FOCAD: variants seen among roughly 807,000 people sequenced by gnomAD.
FOCAD encodes the protein focadhesin.
A neutral mutation model predicts 225.6 loss-of-function variants in FOCAD; 198 were observed. The observed-to-expected ratio is 0.88, with a 90% CI of 0.78 to 0.99. The LOEUF (loss-of-function observed/expected upper bound fraction) is 0.99. FOCAD is among the 50% of genes least tolerant of loss of function. The probability of loss-of-function intolerance (pLI) is 0.00; values close to 1 mark genes in which losing one functional copy is unlikely to be tolerated. For synonymous variants in FOCAD, 897 were observed against 755.0 expected, an observed-to-expected ratio of 1.19 and a Z score of -3.08; for missense variants, 2,713 against 2,123.6, an observed-to-expected ratio of 1.28 and a Z score of -5.46.
chr9:20,818,132 A>G (rs1823927405), intron 11 of FOCAD, among the ~76,000 whole-genome samples: 1 of 152,150 alleles, frequency 6.6e-6, no homozygotes, highest in Non-Finnish European at 1.5e-5. Context: ...ATCATGTCTC[A>G]TGAAATTGAG....
At chr9:20,762,197 G>C (rs1013525800) in intron 6 of FOCAD, among the ~76,000 whole-genome samples, 5 of 152,216 alleles carry the variant, frequency 3.3e-5, no homozygotes, top group African/African-American at 9.6e-5. Flanking sequence ...ATTAAAGAGA[G>C]ATGGAGAAGG....
At chr9:20,883,978 T>TG in intron 20 of FOCAD, among the ~76,000 whole-genome samples, 1 of 152,198 alleles carries the variant, frequency 6.6e-6, no homozygotes, top group South Asian at 2.1e-4. Context: ...CTGACCGTTG[T>TG]GGAAAGGGCA....
intron 39 of FOCAD, among the ~76,000 whole-genome samples, chr9:20,985,223 A>G (rs1841050589): frequency 6.6e-6 from 1 of 152,226 alleles, no homozygotes. Flanking sequence ...TCTTTTACCC[A>G]TGCATGGTTT....
intron 8 of FOCAD, among the ~76,000 whole-genome samples, chr9:20,778,116 TTGAC>T (rs1818976023): frequency 7.5e-6 from 1 of 132,874 alleles, no homozygotes; most frequent in South Asian, 2.4e-4. Flanking sequence ...AAAAAAAAGA[TTGAC>T]TGTTTAGAAG....
chr9:20,673,671 C>T (rs1017211317), intron 2 of FOCAD, among the ~76,000 whole-genome samples: 3 of 152,190 alleles, frequency 2.0e-5, no homozygotes, highest in South Asian at 2.1e-4. Context: ...GGCGTGATCT[C>T]GGCTCATTGC....
At chr9:20,992,801 A>G (rs1841779555) in intron 42 of FOCAD, among the ~76,000 whole-genome samples, 1 of 152,098 alleles carries the variant, frequency 6.6e-6, no homozygotes, top group Non-Finnish European at 1.5e-5. Context: ...CTACTAAGAA[A>G]AAAATACAAA....
chr9:20,751,871 C>G (rs1325289388), intron 5 of FOCAD, among the ~76,000 whole-genome samples: 1 of 144,326 alleles, frequency 6.9e-6, no homozygotes, highest in Non-Finnish European at 1.5e-5. Flanking sequence ...GAGATGGTAT[C>G]TCATTGTGGT....
chr9:20,829,414 T>C (rs1232064895), intron 15 of FOCAD, among the ~76,000 whole-genome samples: 1 of 135,078 alleles, frequency 7.4e-6, no homozygotes, highest in Non-Finnish European at 1.6e-5. Flanking sequence ...CTTTTTATTA[T>C]CTGTTTTTTT....
chr9:20,883,205 G>T (rs967442097), intron 20 of FOCAD, among the ~76,000 whole-genome samples: 1 of 152,136 alleles, frequency 6.6e-6, no homozygotes, highest in Non-Finnish European at 1.5e-5. Flanking sequence ...ACTCTCTTTG[G>T]AAAATATCAA....
chr9:20,716,197 C>A, intron 2 of FOCAD: 1 of 436,194 alleles, frequency 2.3e-6, no homozygotes, highest in Non-Finnish European at 5.2e-6. Context: ...GGAGTCATAT[C>A]CTGCAGGTCC....
At chr9:20,891,252 A>T (rs1248594785) in intron 21 of FOCAD, among the ~76,000 whole-genome samples, 1 of 152,188 alleles carries the variant, frequency 6.6e-6, no homozygotes, top group Non-Finnish European at 1.5e-5. Context: ...AGACACAACA[A>T]TATTGAAATT....
chr9:20,759,637 A>C (rs1490225386), intron 6 of FOCAD, among the ~76,000 whole-genome samples: 1 of 152,238 alleles, frequency 6.6e-6, no homozygotes, highest in Non-Finnish European at 1.5e-5. Context: ...ATTACCATTC[A>C]GGACATAGGC....
chr9:20,730,404 T>C (rs1211357340), intron 4 of FOCAD, among the ~76,000 whole-genome samples: 1 of 152,162 alleles, frequency 6.6e-6, no homozygotes, highest in Non-Finnish European at 1.5e-5. Flanking sequence ...TTTACTAAAT[T>C]CCAAAATAAT....
At chr9:20,893,949 A>G (rs1258767594) in intron 21 of FOCAD, among the ~76,000 whole-genome samples, 4 of 152,184 alleles carry the variant, frequency 2.6e-5, no homozygotes, top group Non-Finnish European at 5.9e-5. Context: ...ACAAATGCAT[A>G]GTGGCATGCA....
rs573453221 is a variant in FOCAD, at chr9:20,937,638, C to T, written c.3407+4535C>T. On this transcript the variant is annotated intron_variant, in intron 28 of 43. Coordinates refer to ENST00000338382, the MANE Select transcript of FOCAD (RefSeq NM_001375567.1). ...AACCATAAAAACCCTAGACGAAAAC[C>T]TAGACAATACCATTCAGGACATAGG... Among the ~76,000 whole-genome samples the T allele has an allele frequency of 1.1e-3, 167 of 152,246 alleles. 1 individual carries two copies. The highest frequency in any genetic ancestry group is 8.7e-3 in the Admixed American group (133 of 15,292).
intron 28 of FOCAD, among the ~76,000 whole-genome samples, chr9:20,942,065 G>C (rs1836713935): frequency 6.6e-6 from 1 of 152,128 alleles, no homozygotes; most frequent in Non-Finnish European, 1.5e-5. Flanking sequence ...TGAGATGAAT[G>C]AGAGGGGACC....
chr9:20,885,159 A>G lies in FOCAD; in HGVS notation c.2554A>G (p.Lys852Glu). 6.5e-7 allele frequency: 1 copy of G among 1,541,496 alleles called. No homozygotes were observed. Among genetic ancestry groups the G allele is most frequent in the Non-Finnish European group, 8.8e-7 (1 of 1,141,908 alleles). Residue 852 changes from lysine (K) to glutamate (E), a missense_variant, in exon 21 of 44, where the codon AAA (lysine) becomes GAA (glutamate). Lys to Glu is a moderately conservative substitution (Grantham distance 56). Transcript: ENST00000338382. ...DVSMYQSKDG[K>E]PLNRLMASRG... ...TTCCATGTATCAGAGTAAAGATGGAAAACCATTGAACAGACTGATGGCCAG... is the reference window on the plus strand; with the variant it reads ...TTCCATGTATCAGAGTAAAGATGGAGAACCATTGAACAGACTGATGGCCAG...
At position 20,981,633 on chromosome 9, in the gene FOCAD, C is replaced by G; in HGVS notation, c.4585C>G (p.Leu1529Val). The change falls in exon 38 of 44, where the codon CTG (leucine) becomes GTG (valine). Residue 1529 changes from leucine to valine, a missense_variant. By Grantham distance (32) the Leu-to-Val change is conservative (BLOSUM62 1). Coordinates refer to ENST00000338382, the MANE Select transcript of FOCAD (RefSeq NM_001375567.1). Reference sequence around the variant, plus strand: ...CAGCCCTGCCCACCACCTCTGGAGTCTGCTCTCTGAAGCTACTGGGAAAAT... The same window carrying G: ...CAGCCCTGCCCACCACCTCTGGAGTGTGCTCTCTGAAGCTACTGGGAAAAT... ...LPSPAHHLWS[L>V]LSEATGKIFD... The G allele has an allele frequency of 3.1e-6, 5 of 1,613,922 alleles. No homozygotes were observed. Among genetic ancestry groups the G allele is most frequent in the Non-Finnish European group, 4.2e-6 (5 of 1,179,886 alleles).
chr9:20,831,874 G>A (rs963913801), intron 15 of FOCAD, among the ~76,000 whole-genome samples: 8 of 151,972 alleles, frequency 5.3e-5, no homozygotes, highest in Admixed American at 4.6e-4. Flanking sequence ...ATACCTCCCT[G>A]CTTTAGGGAA....
Sources: gnomAD v4.1 joint callset for allele counts (sites outside exome capture counted in the v4.1 genomes callset) on GRCh38, gnomAD v4.1.1 for gene constraint, MANE v1.5 for transcripts, NCBI Gene and HGNC (gene_info 2026-07-23, HGNC 2026-07-21) for gene names.